CALCR: variants seen among roughly 807,000 people sequenced by gnomAD.
CALCR encodes calcitonin receptor.
A neutral mutation model predicts 59.5 loss-of-function variants in CALCR; 47 were observed. The ratio of observed to expected loss-of-function variants is 0.79; its 90% CI spans 0.63 to 1.01. The LOEUF is 1.01. Ranked by LOEUF, CALCR falls within the 50% of genes least tolerant of loss-of-function variation. The pLI is 0.00. For missense variants in CALCR, 566 were observed against 597.1 expected (o/e 0.95, Z 0.54); for synonymous variants, 213 against 211.3 (o/e 1.01, Z -0.07).
chr7:93,478,561 G>C (rs1289747326), intron 4 of CALCR, among the ~76,000 whole-genome samples: 1 of 151,606 alleles, frequency 6.6e-6, no homozygotes, highest in Non-Finnish European at 1.5e-5. Context: ...ATGGTGGCAT[G>C]CACCTGTAGT....
intron 2 of CALCR, among the ~76,000 whole-genome samples, chr7:93,565,550 T>C (rs1213882550): frequency 6.6e-6 from 1 of 152,264 alleles, no homozygotes; most frequent in Non-Finnish European, 1.5e-5. Context: ...GTTTTCATTT[T>C]GAATAGGAAA....
chr7:93,572,594 TCATGTTAA>T (rs1392199115), intron 2 of CALCR, among the ~76,000 whole-genome samples: 1 of 152,198 alleles, frequency 6.6e-6, no homozygotes, highest in African/African-American at 2.4e-5. Context: ...ATATTTCCAT[TCATGTTAA>T]CATTGACAGA....
At chr7:93,459,761 T>TG (rs1428296381) in intron 8 of CALCR, among the ~76,000 whole-genome samples, 2 of 152,140 alleles carry the variant, frequency 1.3e-5, no homozygotes, top group Non-Finnish European at 2.9e-5. Context: ...AGAAGACTGA[T>TG]GACAAATATG....
intron 6 of CALCR, among the ~76,000 whole-genome samples, chr7:93,469,203 G>A (rs1030274628): frequency 6.6e-6 from 1 of 151,748 alleles, no homozygotes; most frequent in African/African-American, 2.4e-5. Context: ...TTTCCAAGCT[G>A]TCCTGACCTA....
Position 93,426,572 on chromosome 7 carries a change from C to A in CALCR, c.1209G>T (p.Lys403Asn), listed in dbSNP as rs1472703170. The change falls in exon 14 of 14, where the codon AAG becomes AAT. Residue 403 changes from lysine (K) to asparagine (N), a missense_variant. Physicochemically the swap from Lys to Asn is moderately conservative, Grantham distance 94. Coordinates refer to ENST00000426151, the MANE Select transcript of CALCR (RefSeq NM_001742.4). ...GAATTTTGAATTGGGCCCATTGGCGCTTCACGGTGGTTTGGACCTGGAAGA... is the reference window on the plus strand; with the variant it reads ...GAATTTTGAATTGGGCCCATTGGCGATTCACGGTGGTTTGGACCTGGAAGA... Reference protein sequence around the residue: ...FCNNEVQTTVKRQWAQFKIQW... With the variant: ...FCNNEVQTTVNRQWAQFKIQW... 1.9e-6 allele frequency: 3 copies of A among 1,606,348 alleles called. No individual in the cohort carries two copies. Among genetic ancestry groups the A allele is most frequent in the African/African-American group, 2.7e-5 (2 of 74,602 alleles).
chr7:93,504,852 T>C (rs1174766431), intron 2 of CALCR, among the ~76,000 whole-genome samples: 1 of 152,132 alleles, frequency 6.6e-6, no homozygotes, highest in Non-Finnish European at 1.5e-5. Context: ...ATCTCCAAGT[T>C]CTATCTAAAG....
chr7:93,547,642 A>G lies in CALCR; in HGVS notation c.-27+26647T>C, dbSNP rs115488606. Reference sequence around the variant, plus strand: ...CACAGGTCAACCATGTGGGGTTTGAATTAGAATGCAGGTGCTCCCAGCTCA... The same window carrying G: ...CACAGGTCAACCATGTGGGGTTTGAGTTAGAATGCAGGTGCTCCCAGCTCA... On this transcript the variant is annotated intron_variant, in intron 2 of 13. Coordinates refer to ENST00000426151, the MANE Select transcript of CALCR (RefSeq NM_001742.4). Among the ~76,000 whole-genome samples the G allele has an allele frequency of 2.2e-3, 331 of 152,306 alleles. 5 individuals carry two copies. Among genetic ancestry groups the G allele is most frequent in the African/African-American group, 7.5e-3 (313 of 41,578 alleles).
intron 8 of CALCR, among the ~76,000 whole-genome samples, chr7:93,448,414 C>T (rs1562977582): frequency 6.6e-6 from 1 of 151,910 alleles, no homozygotes; most frequent in Non-Finnish European, 1.5e-5. Context: ...GATTAAAATG[C>T]ATACTTTAGA....
chr7:93,441,526 A>C (rs1461535012), intron 9 of CALCR: 4 of 454,810 alleles, frequency 8.8e-6, no homozygotes, highest in Non-Finnish European at 1.8e-5. Context: ...GAAAGGAAAG[A>C]TTAGTCTCTG....
At chr7:93,573,393 T>C (rs1368083547) in intron 2 of CALCR, among the ~76,000 whole-genome samples, 2 of 152,202 alleles carry the variant, frequency 1.3e-5, no homozygotes, top group Non-Finnish European at 2.9e-5. Flanking sequence ...AATCACCGAA[T>C]AATTTCAACA....
intron 8 of CALCR, among the ~76,000 whole-genome samples, chr7:93,460,586 T>TAC: frequency 8.8e-6 from 1 of 113,792 alleles, no homozygotes; most frequent in African/African-American, 4.1e-5. Flanking sequence ...TATATATATA[T>TAC]ATATATGTAT....
At chr7:93,483,902 TACAA>T (rs1206851476) in intron 3 of CALCR, 6 of 453,134 alleles carry the variant, frequency 1.3e-5, no homozygotes, top group Admixed American at 8.5e-5. Flanking sequence ...TTTTTCAACA[TACAA>T]ACAAACAAAA....
Position 93,460,806 on chromosome 7 carries a change from CTA to C in CALCR, c.648+13_648+14del. 8 of 1,558,502 alleles carry C rather than the reference CTA, an allele frequency of 5.1e-6. No homozygotes were observed. The highest frequency in any genetic ancestry group is 6.1e-6 in the Non-Finnish European group (7 of 1,157,010). On this transcript the variant is annotated intron_variant, in intron 8 of 13. Transcript: ENST00000426151. ...CTTTAAAATAAAAGTAAAAACAAAACTATGCAGTACTTACCGGGTCCCTTCGC... is the reference window on the plus strand; with the variant it reads ...CTTTAAAATAAAAGTAAAAACAAAACTGCAGTACTTACCGGGTCCCTTCGC...
intron 13 of CALCR, among the ~76,000 whole-genome samples, chr7:93,433,160 T>C (rs966165806): frequency 2.6e-5 from 4 of 152,210 alleles, no homozygotes; most frequent in Non-Finnish European, 5.9e-5. Flanking sequence ...GGTCACAGAA[T>C]AGCAAAATAT....
At chr7:93,480,601 C>T (rs1219003670) in intron 3 of CALCR, among the ~76,000 whole-genome samples, 4 of 151,800 alleles carry the variant, frequency 2.6e-5, no homozygotes, top group African/African-American at 4.8e-5. Flanking sequence ...CATGTATATT[C>T]CTGGCTCTTC....
chr7:93,530,141 C>A (rs1021023670), intron 2 of CALCR, among the ~76,000 whole-genome samples: 1 of 152,036 alleles, frequency 6.6e-6, no homozygotes, highest in Non-Finnish European at 1.5e-5. Flanking sequence ...ACTTATGGGG[C>A]AGGTCAACAT....
intron 7 of CALCR, chr7:93,462,136 T>A: frequency 7.6e-7 from 1 of 1,319,482 alleles, no homozygotes. Flanking sequence ...ATTTAAGTAA[T>A]AAAGGCAGCT....
intron 5 of CALCR, 138 bp downstream of exon 5, chr7:93,477,420 A>T: frequency 1.8e-6 from 1 of 558,654 alleles, no homozygotes; most frequent in East Asian, 2.9e-5. Context: ...AAGTATTTCA[A>T]TTAAGGAAAC....
intron 7 of CALCR, among the ~76,000 whole-genome samples, chr7:93,463,313 T>C (rs1173072341): frequency 1.3e-5 from 2 of 151,804 alleles, no homozygotes; most frequent in Admixed American, 6.6e-5. Flanking sequence ...TAAAAATATA[T>C]ATATTTTTCA....
Sources: gnomAD v4.1 joint callset for allele counts (sites outside exome capture counted in the v4.1 genomes callset) on GRCh38, gnomAD v4.1.1 for gene constraint, MANE v1.5 for transcripts, NCBI Gene and HGNC (gene_info 2026-07-23, HGNC 2026-07-21) for gene names.